The following STAP1 variants were observed in gnomAD, a reference collection of about 807,000 sequenced individuals.
STAP1 encodes signal transducing adaptor family member 1.
Under a neutral mutation model 37.8 loss-of-function variants are expected in STAP1, and 30 were observed. The ratio of observed to expected loss-of-function variants is 0.79; its 90% CI spans 0.59 to 1.08. The LOEUF is 1.08. Among genes scored for constraint, STAP1 ranks in the 50% least tolerant of loss-of-function variants. The probability of loss-of-function intolerance (pLI) is 0.00; values close to 1 mark genes in which losing one functional copy is unlikely to be tolerated. For missense variants in STAP1, 357 were observed against 349.4 expected, an observed-to-expected ratio of 1.02 and a Z score of -0.17; for synonymous variants, 130 against 116.0, an observed-to-expected ratio of 1.12 and a Z score of -0.78.
chr4:67,577,651 C>CTTTCTTT (rs144082927), intron 4 of STAP1, among the ~76,000 whole-genome samples: 4 of 91,546 alleles, frequency 4.4e-5, no homozygotes, highest in Non-Finnish European at 6.5e-5. Flanking sequence ...TTCTTTCTTT[C>CTTTCTTT]TTTTTTTTTT....
chr4:67,582,978 C>T (rs534687783), intron 5 of STAP1, among the ~76,000 whole-genome samples: 9 of 152,224 alleles, frequency 5.9e-5, no homozygotes, highest in African/African-American at 1.7e-4. Context: ...TTTCAGCTTA[C>T]GATATTTTCA....
rs142434749 is a variant in STAP1, at chr4:67,599,170, G to A, written c.826+5814G>A. On this transcript the variant is annotated intron_variant, in intron 8 of 8. Coordinates refer to ENST00000265404, the MANE Select transcript of STAP1 (RefSeq NM_012108.4). ...TGTTCATCAGAGATATTGGCTTGTA[G>A]TTTTTAAAAATGTGTCTTTGTTAGT... 4.2e-3 allele frequency among the ~76,000 whole-genome samples: 635 copies of A among 152,272 alleles called. 3 individuals are homozygous for A. Among genetic ancestry groups the A allele is most frequent in the African/African-American group, 0.014 (568 of 41,552 alleles).
rs1382607185 is a variant in STAP1 at position 67,577,273 on chromosome 4, T to A, written c.363+14T>A. The A allele has an allele frequency of 4.4e-6, 7 of 1,589,818 alleles. No homozygotes were observed. The highest frequency in any genetic ancestry group is 6.0e-6 in the Non-Finnish European group (7 of 1,171,014). ...ACAGTAACAGAGGTAGGAAGCTCAC[T>A]GCTTTTGATTGATTCTTTTTTTTTT... On this transcript the variant is annotated intron_variant, in intron 4 of 8. Transcript: ENST00000265404.
intron 1 of STAP1, among the ~76,000 whole-genome samples, chr4:67,559,739 A>G (rs1385100026): frequency 6.6e-6 from 1 of 152,132 alleles, no homozygotes; most frequent in Non-Finnish European, 1.5e-5. Context: ...GACTAAAACT[A>G]GAAAAATTTT....
chr4:67,561,783 G>T (rs1266050787), intron 1 of STAP1, among the ~76,000 whole-genome samples: 1 of 152,144 alleles, frequency 6.6e-6, no homozygotes, highest in Non-Finnish European at 1.5e-5. Flanking sequence ...ATAAGAGAGA[G>T]TGTGGGTGGG....
intron 1 of STAP1, among the ~76,000 whole-genome samples, chr4:67,564,147 A>G (rs182492990): frequency 1.4e-3 from 210 of 152,250 alleles, no homozygotes; most frequent in Middle Eastern, 6.8e-3. Flanking sequence ...GTCTCTGCAT[A>G]CTGAATATAA....
chr4:67,575,491 A>C lies in STAP1; in HGVS notation c.299A>C (p.Gln100Pro), dbSNP rs770616762. The change falls in exon 3 of 9, where the codon CAA becomes CCA. Residue 100 changes from glutamine (Q) to proline (P), a missense_variant. Coordinates refer to ENST00000265404, the MANE Select transcript of STAP1 (RefSeq NM_012108.4). ...CTTGTTTTGCCGAAAGAGGAAGTAC[A>C]ACTGAAGGTGAGCGAGGAGAAACAG... ...FTLVLPKEEVQLKTENTESGE... is the reference protein window; with the variant it reads ...FTLVLPKEEVPLKTENTESGE... The C allele has an allele frequency of 6.2e-7, 1 of 1,608,162 alleles. No homozygotes were observed. The highest frequency in any genetic ancestry group is 1.7e-5 in the Admixed American group (1 of 59,014).
At chr4:67,578,182 A>G (rs1018308982) in intron 4 of STAP1, among the ~76,000 whole-genome samples, 56 of 152,298 alleles carry the variant, frequency 3.7e-4, no homozygotes, top group African/African-American at 1.3e-3. Flanking sequence ...CAGTAAGATA[A>G]TGTCCATTAT....
In STAP1 at chr4:67,572,675, C is replaced by A. The variant is rs190711707; in HGVS notation, c.192+1520C>A. Among the ~76,000 whole-genome samples the A allele has an allele frequency of 7.2e-5, 11 of 152,252 alleles. No individual in the cohort carries two copies. The East Asian group carries it at 1.9e-3, about 27-fold the overall frequency. On this transcript the variant is annotated intron_variant, in intron 2 of 8. Coordinates refer to ENST00000265404, the MANE Select transcript of STAP1 (RefSeq NM_012108.4). ...TAAAATCAGAATAAAAATAGTAGTC[C>A]ATTTTATAAGGTTCTCAAAATAACT...
rs41278563 is a variant in STAP1, at chr4:67,577,036, C to T, written c.307-167C>T. The stretch of plus-strand genomic sequence containing the variant: ...CAGATTACAGCTGTATGTCTTCTGA[C>T]AAAAGAAAATAGTATTGAAATATTT... On this transcript the variant is annotated intron_variant, in intron 3 of 8. Coordinates refer to ENST00000265404, the MANE Select transcript of STAP1 (RefSeq NM_012108.4). Among the ~76,000 whole-genome samples the T allele has an allele frequency of 0.19, 28,751 of 151,934 alleles. 3,429 individuals are homozygous for T. Among genetic ancestry groups the T allele is most frequent in the Non-Finnish European group, 0.27 (18,068 of 67,948 alleles).
chr4:67,583,220 A>AC lies in STAP1; in HGVS notation c.531-349dup, dbSNP rs761504524. 2.1e-4 allele frequency among the ~76,000 whole-genome samples: 32 copies of AC among 152,252 alleles called. No homozygotes were observed. The East Asian group carries it at 2.3e-3, about 11-fold the overall frequency. On this transcript the variant is annotated intron_variant, in intron 5 of 8. Coordinates refer to ENST00000265404, the MANE Select transcript of STAP1 (RefSeq NM_012108.4). Reference sequence around the variant, plus strand: ...AGATGTTTTGTATCCCCGAAAGGAGACCCCCAATAAATATTTATCCGAGAA... The same window carrying AC: ...AGATGTTTTGTATCCCCGAAAGGAGACCCCCCAATAAATATTTATCCGAGAA...
At chr4:67,578,960 CT>C (rs1727789757) in intron 4 of STAP1, among the ~76,000 whole-genome samples, 1 of 151,892 alleles carries the variant, frequency 6.6e-6, no homozygotes, top group Non-Finnish European at 1.5e-5. Flanking sequence ...TCCCAAGTAG[CT>C]GGGATTAAAG....
At chr4:67,560,934 C>G (rs1039727565) in intron 1 of STAP1, among the ~76,000 whole-genome samples, 5 of 152,162 alleles carry the variant, frequency 3.3e-5, no homozygotes, top group African/African-American at 1.2e-4. Flanking sequence ...CAGGCATGGG[C>G]CTCTGAGTTA....
chr4:67,597,668 T>C (rs1244917014), intron 8 of STAP1, among the ~76,000 whole-genome samples: 1 of 152,206 alleles, frequency 6.6e-6, no homozygotes, highest in East Asian at 1.9e-4. Flanking sequence ...GCCCTGGATG[T>C]GAGACATGGA....
At chr4:67,597,442 G>C (rs1728250732) in intron 8 of STAP1, among the ~76,000 whole-genome samples, 1 of 152,224 alleles carries the variant, frequency 6.6e-6, no homozygotes, top group African/African-American at 2.4e-5. Flanking sequence ...CCCCCACACA[G>C]AGTTCCCACT....
chr4:67,568,819 C>T (rs996064695), intron 1 of STAP1, among the ~76,000 whole-genome samples: 21 of 152,120 alleles, frequency 1.4e-4, no homozygotes, highest in African/African-American at 5.1e-4. Context: ...TTCATCTGTC[C>T]TAGAAGGTAG....
At chr4:67,589,745 A>G (rs1031617163) in intron 6 of STAP1, among the ~76,000 whole-genome samples, 1 of 152,164 alleles carries the variant, frequency 6.6e-6, no homozygotes, top group Non-Finnish European at 1.5e-5. Context: ...AAGGATAGTG[A>G]CTTCTGATCT....
At chr4:67,580,503 T>C (rs932282151) in intron 4 of STAP1, among the ~76,000 whole-genome samples, 1 of 152,198 alleles carries the variant, frequency 6.6e-6, no homozygotes, top group Non-Finnish European at 1.5e-5. Context: ...ATGGACTTTC[T>C]TGTATACCTC....
At chr4:67,594,232 T>C (rs111885725) in intron 8 of STAP1, among the ~76,000 whole-genome samples, 4 of 152,332 alleles carry the variant, frequency 2.6e-5, no homozygotes, top group South Asian at 2.1e-4. Context: ...TTTGGCTATC[T>C]GCATTGGGGC....
Sources: allele counts gnomAD v4.1 joint callset (sites outside exome capture counted in the v4.1 genomes callset), GRCh38; gene constraint gnomAD v4.1.1; transcripts MANE v1.5; gene names NCBI Gene and HGNC (gene_info 2026-07-23, HGNC 2026-07-21).